The following DCC variants were observed in gnomAD, a reference collection of about 807,000 sequenced individuals.
DCC encodes netrin receptor DCC.
A neutral mutation model predicts 172.5 loss-of-function variants in DCC; 58 were observed. That is an observed-to-expected ratio of 0.34 (90% CI 0.27 to 0.42). The LOEUF (loss-of-function observed/expected upper bound fraction) is 0.42. DCC is among the 10% of genes least tolerant of loss of function. The pLI, the probability that DCC is intolerant of heterozygous loss-of-function variation, is 1.00. For synonymous variants in DCC, 709 were observed against 644.5 expected, an observed-to-expected ratio of 1.10 and a Z score of -1.52; for missense variants, 1,740 against 1,791.0, an observed-to-expected ratio of 0.97 and a Z score of 0.51.
At chr18:53,434,865 A>C (rs1239229653) in intron 21 of DCC, among the ~76,000 whole-genome samples, 1 of 152,220 alleles carries the variant, frequency 6.6e-6, no homozygotes, top group Admixed American at 6.5e-5. Flanking sequence ...CTTTAATAAA[A>C]GACTTTAATA....
chr18:53,242,265 C>T (rs186346721), intron 12 of DCC, among the ~76,000 whole-genome samples: 31 of 152,040 alleles, frequency 2.0e-4, no homozygotes, highest in Non-Finnish European at 3.1e-4. Flanking sequence ...CTAGTGTAGA[C>T]CTGTAAACAA....
intron 1 of DCC, among the ~76,000 whole-genome samples, chr18:52,416,378 G>A (rs1987029689): frequency 6.6e-6 from 1 of 151,998 alleles, no homozygotes; most frequent in Non-Finnish European, 1.5e-5. Flanking sequence ...TTCTGTAGAT[G>A]TCTATTAGGT....
intron 1 of DCC, among the ~76,000 whole-genome samples, chr18:52,353,508 A>C (rs1373467199): frequency 6.6e-6 from 1 of 152,204 alleles, no homozygotes; most frequent in Non-Finnish European, 1.5e-5. Flanking sequence ...GGGCTACCCC[A>C]TACTGAACCT....
At chr18:52,693,075 C>T (rs1793675590) in intron 1 of DCC, among the ~76,000 whole-genome samples, 1 of 151,948 alleles carries the variant, frequency 6.6e-6, no homozygotes, top group African/African-American at 2.4e-5. Context: ...AAGTTAATGG[C>T]TGGTGTGTGG....
At chr18:53,337,697 A>T (rs2057608009) in intron 14 of DCC, among the ~76,000 whole-genome samples, 1 of 152,228 alleles carries the variant, frequency 6.6e-6, no homozygotes, top group South Asian at 2.1e-4. Flanking sequence ...CAACTTTAGA[A>T]TCTTTTGAAA....
intron 5 of DCC, among the ~76,000 whole-genome samples, chr18:52,998,019 T>C (rs1306815218): frequency 6.6e-6 from 1 of 152,054 alleles, no homozygotes; most frequent in Non-Finnish European, 1.5e-5. Context: ...TTTATCACCA[T>C]ATAGGCCTGT....
chr18:52,679,401 T>C (rs1269291737), intron 1 of DCC, among the ~76,000 whole-genome samples: 2 of 152,080 alleles, frequency 1.3e-5, no homozygotes, highest in African/African-American at 2.4e-5. Flanking sequence ...ATTTTGTTGT[T>C]GATGATGATG....
At chr18:52,761,767 T>C (rs957078735) in intron 2 of DCC, among the ~76,000 whole-genome samples, 5 of 151,498 alleles carry the variant, frequency 3.3e-5, no homozygotes, top group Admixed American at 6.6e-5. Context: ...TGAAAAACCT[T>C]GTTTGAAAAA....
chr18:52,834,478 T>C (rs1269522954), intron 2 of DCC, among the ~76,000 whole-genome samples: 5 of 152,270 alleles, frequency 3.3e-5, no homozygotes. Flanking sequence ...TCACTGAAAC[T>C]TGAGAACCAC....
chr18:52,686,116 C>G (rs1010493203), intron 1 of DCC, among the ~76,000 whole-genome samples: 2 of 152,092 alleles, frequency 1.3e-5, no homozygotes, highest in South Asian at 2.1e-4. Flanking sequence ...CTTAGGAATT[C>G]TACTTCTGAG....
At chr18:52,986,578 T>C (rs183298844) in intron 5 of DCC, among the ~76,000 whole-genome samples, 10 of 152,250 alleles carry the variant, frequency 6.6e-5, no homozygotes, top group African/African-American at 2.2e-4. Context: ...AGCTGCTCCA[T>C]TGAGGCCTAG....
intron 1 of DCC, among the ~76,000 whole-genome samples, chr18:52,576,013 AGAG>A (rs896321514): frequency 6.6e-6 from 1 of 152,200 alleles, no homozygotes; most frequent in African/African-American, 2.4e-5. Flanking sequence ...TTCATCCTGA[AGAG>A]GAGATTGTTA....
chr18:53,327,775 T>C (rs1227839936), intron 14 of DCC, among the ~76,000 whole-genome samples: 3 of 152,218 alleles, frequency 2.0e-5, no homozygotes, highest in South Asian at 2.1e-4. Context: ...CTTCTGGTGA[T>C]TTCACTTGAT....
intron 24 of DCC, among the ~76,000 whole-genome samples, chr18:53,467,407 A>G (rs951790833): frequency 2.0e-5 from 3 of 152,082 alleles, no homozygotes; most frequent in Admixed American, 6.6e-5. Flanking sequence ...TGAAGAATGC[A>G]GTTTATTTCT....
At chr18:52,841,761 GTCAA>G (rs1453136517) in intron 2 of DCC, among the ~76,000 whole-genome samples, 1 of 152,104 alleles carries the variant, frequency 6.6e-6, no homozygotes, top group Non-Finnish European at 1.5e-5. Context: ...AGCTGCCTCT[GTCAA>G]TCACTCGTTT....
intron 2 of DCC, among the ~76,000 whole-genome samples, chr18:52,815,458 C>A (rs2038278233): frequency 6.6e-6 from 1 of 151,344 alleles, no homozygotes; most frequent in Non-Finnish European, 1.5e-5. Flanking sequence ...CACGTCCCAC[C>A]ACCCCCCTGC....
At chr18:53,447,102 T>C (rs1912658916) in intron 22 of DCC, among the ~76,000 whole-genome samples, 1 of 152,214 alleles carries the variant, frequency 6.6e-6, no homozygotes, top group Non-Finnish European at 1.5e-5. Flanking sequence ...TATTAATTGG[T>C]TGATAAAACA....
chr18:52,488,924 C>T (rs554083067), intron 1 of DCC, among the ~76,000 whole-genome samples: 129 of 152,168 alleles, frequency 8.5e-4, no homozygotes, highest in African/African-American at 3.0e-3. Flanking sequence ...TGCAACATAA[C>T]TTCAACAAAC....
chr18:53,437,347 G>A (rs1053537645), intron 22 of DCC, among the ~76,000 whole-genome samples: 2 of 152,034 alleles, frequency 1.3e-5, no homozygotes, highest in South Asian at 2.1e-4. Context: ...TTGGGAGGCC[G>A]AGGCGGGCAG....
Sources: gnomAD v4.1 joint callset for allele counts (sites outside exome capture counted in the v4.1 genomes callset) on GRCh38, gnomAD v4.1.1 for gene constraint, MANE v1.5 for transcripts, NCBI Gene and HGNC (gene_info 2026-07-23, HGNC 2026-07-21) for gene names.